METAP1: variants seen among roughly 807,000 people sequenced by gnomAD.
METAP1 encodes the protein methionyl aminopeptidase 1.
In METAP1, 28 loss-of-function variants were observed where a neutral mutation model predicts 53.8. The observed-to-expected ratio is 0.52, with a 90% CI of 0.39 to 0.71. The LOEUF (loss-of-function observed/expected upper bound fraction) is 0.71, where lower values mean the gene tolerates loss of function less well. Ranked by LOEUF, METAP1 falls within the 30% of genes least tolerant of loss-of-function variation. The pLI is 0.00. For synonymous variants in METAP1, 181 were observed against 165.7 expected (o/e 1.09, Z -0.71); for missense variants, 389 against 479.8 (o/e 0.81, Z 1.77).
At chr4:99,022,651 G>C in intron 1 of METAP1, 1 of 1,083,848 alleles carries the variant, frequency 9.2e-7, no homozygotes, top group Non-Finnish European at 1.4e-6. Context: ...GGCGCTCAAA[G>C]GCAAGGTGCT....
At chr4:99,057,011 G>T (rs943623315) in intron 9 of METAP1, among the ~76,000 whole-genome samples, 2 of 151,898 alleles carry the variant, frequency 1.3e-5, no homozygotes, top group Non-Finnish European at 2.9e-5. Flanking sequence ...GATTTCAGGT[G>T]CACGCCACCA....
chr4:99,039,574 G>A, intron 5 of METAP1, 109 bp downstream of exon 5: 1 of 579,658 alleles, frequency 1.7e-6, no homozygotes, highest in Non-Finnish European at 2.9e-6. Flanking sequence ...TTGTTAGACT[G>A]ACCAGCCATG....
chr4:99,054,334 C>T (rs1307874604), intron 9 of METAP1, among the ~76,000 whole-genome samples: 1 of 152,200 alleles, frequency 6.6e-6, no homozygotes, highest in Admixed American at 6.5e-5. Flanking sequence ...TTAAACCTCA[C>T]GAACCAACCT....
intron 9 of METAP1, among the ~76,000 whole-genome samples, chr4:99,056,421 C>A (rs1727122338): frequency 6.6e-6 from 1 of 151,874 alleles, no homozygotes; most frequent in Admixed American, 6.6e-5. Flanking sequence ...CATGATGATC[C>A]TGAAAAAAAC....
intron 8 of METAP1, among the ~76,000 whole-genome samples, chr4:99,046,936 C>CAAAA (rs56702946): frequency 8.6e-4 from 71 of 82,172 alleles, no homozygotes; most frequent in South Asian, 1.6e-3. Flanking sequence ...ACTGAAGAAA[C>CAAAA]AAAAAAAAAA....
intron 9 of METAP1, among the ~76,000 whole-genome samples, chr4:99,049,147 C>T (rs868588571): frequency 1.4e-4 from 21 of 152,114 alleles, no homozygotes; most frequent in African/African-American, 4.8e-4. Flanking sequence ...CTTTCAAAGT[C>T]ACTTTGGGAG....
rs1449495966 is a variant in METAP1, at chr4:99,043,231, A to AT, written c.517-12dup. The stretch of plus-strand genomic sequence containing the variant: ...TTTTTTCTTTTATATATTCCAAATT[A>AT]TTTTTTCTGTATTATAGGCATGTAT... On this transcript the variant is annotated splice_polypyrimidine_tract_variant and intron_variant, in intron 6 of 10. Coordinates refer to ENST00000296411, the MANE Select transcript of METAP1 (RefSeq NM_015143.3). The AT allele has an allele frequency of 8.0e-6, 12 of 1,499,142 alleles. No individual in the cohort carries two copies. The highest frequency in any genetic ancestry group is 9.0e-6 in the Non-Finnish European group (10 of 1,113,112). The allele number at this position is 1,499,142 out of a possible 1,614,324, so 92.9% of individuals were successfully genotyped here. A position where few individuals can be genotyped will look rare whatever the true frequency, so the allele number is the denominator to read the frequency against.
At chr4:99,047,218 G>A (rs1165838421) in intron 8 of METAP1, among the ~76,000 whole-genome samples, 2 of 151,932 alleles carry the variant, frequency 1.3e-5, no homozygotes, top group African/African-American at 4.8e-5. Flanking sequence ...GTGGCTTTTG[G>A]GCCTGATAAT....
At chr4:99,051,022 C>T (rs1323998840) in intron 9 of METAP1, among the ~76,000 whole-genome samples, 2 of 152,210 alleles carry the variant, frequency 1.3e-5, no homozygotes, top group Non-Finnish European at 2.9e-5. Flanking sequence ...AGGTAACTGA[C>T]TTCATTCCTT....
chr4:99,039,537 T>C, intron 5 of METAP1, 72 bp downstream of exon 5: 1 of 908,764 alleles, frequency 1.1e-6, no homozygotes, highest in Non-Finnish European at 1.8e-6. Context: ...AGTGGTTTGC[T>C]GATTTATAAA....
intron 2 of METAP1, among the ~76,000 whole-genome samples, chr4:99,029,846 C>T (rs987436546): frequency 2.6e-5 from 4 of 151,938 alleles, no homozygotes; most frequent in African/African-American, 9.7e-5. Flanking sequence ...CAGGGAAATA[C>T]AAATTTTAAA....
In METAP1 at chr4:99,016,859, A is replaced by G. The variant is rs897236394; in HGVS notation, c.115-12008A>G. 3.3e-5 allele frequency among the ~76,000 whole-genome samples: 5 copies of G among 152,296 alleles called. No individual in the cohort carries two copies. The East Asian group carries it at 7.7e-4, about 24-fold the overall frequency. ...TCACATAGGGCCTGAGGGCCCCAGC[A>G]TGTTCCTTGGTGTAAGTGGGACAGA... On this transcript the variant is annotated intron_variant, in intron 1 of 10. Coordinates refer to ENST00000296411, the MANE Select transcript of METAP1 (RefSeq NM_015143.3).
intron 9 of METAP1, among the ~76,000 whole-genome samples, chr4:99,055,346 G>A (rs865789370): frequency 6.7e-6 from 1 of 150,248 alleles, no homozygotes; most frequent in Non-Finnish European, 1.5e-5. Flanking sequence ...AGCCGAGATC[G>A]TGCCACTGCA....
chr4:99,057,715 G>T, intron 9 of METAP1, 38 bp from the exon 10 acceptor site: 1 of 1,516,792 alleles, frequency 6.6e-7, no homozygotes, highest in East Asian at 2.4e-5. Flanking sequence ...TACACTGTTG[G>T]TTTTGCTACC....
chr4:99,036,974 A>T (rs1725466166), intron 4 of METAP1, among the ~76,000 whole-genome samples: 1 of 151,990 alleles, frequency 6.6e-6, no homozygotes, highest in South Asian at 2.1e-4. Flanking sequence ...TATTTTTCGC[A>T]GCATAGTGTG....
chr4:99,023,649 T>C, intron 1 of METAP1: 1 of 985,366 alleles, frequency 1.0e-6, no homozygotes, highest in Non-Finnish European at 1.2e-6. Context: ...GCCACTACTT[T>C]AGGATGGTTT....
chr4:99,022,836 A>T, intron 1 of METAP1: 2 of 1,575,206 alleles, frequency 1.3e-6, no homozygotes, highest in Non-Finnish European at 1.7e-6. Flanking sequence ...TTGCTGTGGT[A>T]CTGCTTTTTT....
At chr4:99,010,993 A>G (rs1415338975) in intron 1 of METAP1, among the ~76,000 whole-genome samples, 3 of 151,054 alleles carry the variant, frequency 2.0e-5, no homozygotes, top group South Asian at 2.1e-4. Flanking sequence ...TAGAAATGCA[A>G]CTGATTTTTA....
intron 4 of METAP1, among the ~76,000 whole-genome samples, chr4:99,037,490 A>C (rs1725517891): frequency 6.6e-6 from 1 of 151,940 alleles, no homozygotes; most frequent in Non-Finnish European, 1.5e-5. Context: ...TGGCATAAGG[A>C]GTTAAATAGG....
Sources: gnomAD v4.1 joint callset for allele counts (sites outside exome capture counted in the v4.1 genomes callset) on GRCh38, gnomAD v4.1.1 for gene constraint, MANE v1.5 for transcripts, NCBI Gene and HGNC (gene_info 2026-07-23, HGNC 2026-07-21) for gene names.